Variants in AARD observed in about 807,000 individuals in gnomAD.
AARD encodes alanine- and arginine-rich domain-containing protein.
Under a neutral mutation model 9.3 loss-of-function variants are expected in AARD, and 9 were observed. The ratio of observed to expected loss-of-function variants is 0.97; its 90% CI spans 0.58 to 1.69. AARD has a LOEUF of 1.69. Ranked by LOEUF, AARD falls within the 40% of genes most tolerant of loss-of-function variation. AARD has a pLI of 0.00. For synonymous variants in AARD, 91 were observed against 93.8 expected (o/e 0.97, Z 0.17); for missense variants, 236 against 210.3 (o/e 1.12, Z -0.76).
In AARD at chr8:116,944,130, C is replaced by G. The variant is rs1813780251; in HGVS notation, c.*1429C>G. On this transcript the variant is annotated 3_prime_UTR_variant, in exon 2 of 2. Transcript: ENST00000378279. ...GGAGAACAGAAGAGACACAGTCTTT[C>G]TCTTGTTAAAAGAAATACAAGGACA... is the stretch of plus-strand genomic sequence containing the variant. 1 of 152,188 alleles carries G rather than the reference C, an allele frequency of 6.6e-6. No individual in the cohort carries two copies. The highest frequency in any genetic ancestry group is 1.5e-5 in the Non-Finnish European group (1 of 68,022). 9.4% of individuals were successfully genotyped at this position (152,188 alleles called of 1,614,324 possible).
At chr8:116,941,778 C>G (rs1029917426) in intron 1 of AARD, among the ~76,000 whole-genome samples, 1 of 152,116 alleles carries the variant, frequency 6.6e-6, no homozygotes, top group Non-Finnish European at 1.5e-5. Flanking sequence ...GCTGATGAAG[C>G]TTTTTTAGCA....
intron 1 of AARD, among the ~76,000 whole-genome samples, 169 bp from the exon 2 acceptor site, chr8:116,942,389 A>G (rs1364881161): frequency 6.6e-6 from 1 of 152,238 alleles, no homozygotes; most frequent in East Asian, 1.9e-4. Context: ...AGTCAGTTTT[A>G]TAGCCAGACC....
chr8:116,939,438 C>T (rs1813719797), intron 1 of AARD, among the ~76,000 whole-genome samples: 1 of 152,112 alleles, frequency 6.6e-6, no homozygotes, highest in South Asian at 2.1e-4. Context: ...TCGAGACCAG[C>T]CTGGCCAAAA....
chr8:116,942,358 A>C (rs1183846328), intron 1 of AARD, among the ~76,000 whole-genome samples, 200 bp from the exon 2 acceptor site: 1 of 152,144 alleles, frequency 6.6e-6, no homozygotes, highest in Non-Finnish European at 1.5e-5. Flanking sequence ...ATATATCTGG[A>C]TTTTACCTTG....
At chr8:116,942,182 T>TA (rs1813752337) in intron 1 of AARD, among the ~76,000 whole-genome samples, 1 of 151,744 alleles carries the variant, frequency 6.6e-6, no homozygotes, top group African/African-American at 2.4e-5. Context: ...CAGGTGGCTG[T>TA]AGGCAGTTAT....
chr8:116,938,336 T>G lies in AARD; in HGVS notation c.93T>G (p.Arg31=). Residue 31 remains arginine (R), a synonymous_variant, in exon 1 of 2, where the codon CGT becomes CGG. Coordinates refer to ENST00000378279, the MANE Select transcript of AARD (RefSeq NM_001025357.3). The stretch of plus-strand genomic sequence containing the variant: ...GAGCGGAGCTTTGGTTCCCACCTCG[T>G]CCCGCGTGCGACTTCTTCGGGGACG... ...PGRAELWFPP[R]PACDFFGDGR... is the part of the protein sequence containing the mutation. 1 of 1,612,958 alleles carries G rather than the reference T, an allele frequency of 6.2e-7. No homozygotes were observed. Among genetic ancestry groups the G allele is most frequent in the Middle Eastern group, 1.7e-4 (1 of 6,060 alleles).
At chr8:116,941,441 A>G (rs999094013) in intron 1 of AARD, among the ~76,000 whole-genome samples, 1 of 152,210 alleles carries the variant, frequency 6.6e-6, no homozygotes, top group Non-Finnish European at 1.5e-5. Context: ...CAGGAAAGGA[A>G]GCTCAAAGTA....
chr8:116,942,627 T>C lies in AARD; in HGVS notation c.394T>C (p.Leu132=). The change falls in exon 2 of 2, where the codon TTG becomes CTG. Residue 132 remains leucine, a synonymous_variant. Transcript: ENST00000378279. ...GGACCTAAACATGAAAGTGCAGCAA[T>C]TGAAAAAGGAGTATGAACTGGAAAT... The part of the protein sequence containing the change: ...LLDLNMKVQQ[L]KKEYELEITS... 1 of 1,613,850 alleles carries C rather than the reference T, an allele frequency of 6.2e-7. No homozygotes were observed. The highest frequency in any genetic ancestry group is 8.5e-7 in the Non-Finnish European group (1 of 1,179,950).
At chr8:116,941,798 A>G (rs1813748800) in intron 1 of AARD, among the ~76,000 whole-genome samples, 1 of 152,210 alleles carries the variant, frequency 6.6e-6, no homozygotes, top group African/African-American at 2.4e-5. Context: ...AGAGAGAACA[A>G]ATTCCTCGTG....
chr8:116,938,457 C>G lies in AARD; in HGVS notation c.214C>G (p.Gln72Glu). The G allele has an allele frequency of 6.3e-7, 1 of 1,599,982 alleles. No homozygotes were observed. The highest frequency in any genetic ancestry group is 2.3e-5 in the East Asian group (1 of 44,308). The stretch of plus-strand genomic sequence containing the variant: ...GACGCGCGCCTTCCAGTGGGCGGTG[C>G]AGCGCGCGATCTCGAGGCGCGTGCA... Reference protein sequence around the residue: ...RLTRAFQWAVQRAISRRVQEA... With the variant: ...RLTRAFQWAVERAISRRVQEA... Residue 72 changes from glutamine to glutamate, a missense_variant, in exon 1 of 2, where the codon CAG becomes GAG. Coordinates refer to ENST00000378279, the MANE Select transcript of AARD (RefSeq NM_001025357.3).
At chr8:116,939,319 T>A (rs1813718564) in intron 1 of AARD, among the ~76,000 whole-genome samples, 2 of 152,216 alleles carry the variant, frequency 1.3e-5, no homozygotes, top group African/African-American at 4.8e-5. Flanking sequence ...AAGAATGTTA[T>A]CGCATTTCTA....
In AARD at chr8:116,938,327, C is replaced by T. The variant is rs141863211; in HGVS notation, c.84C>T (p.Phe28=). The change falls in exon 1 of 2, where the codon TTC becomes TTT. Residue 28 remains phenylalanine (F), a synonymous_variant. Coordinates refer to ENST00000378279, the MANE Select transcript of AARD (RefSeq NM_001025357.3). The stretch of plus-strand genomic sequence containing the variant: ...TCCCAGGTAGAGCGGAGCTTTGGTT[C>T]CCACCTCGTCCCGCGTGCGACTTCT... ...QGLPGRAELW[F]PPRPACDFFG... 660 of 1,612,918 alleles carry T rather than the reference C, an allele frequency of 4.1e-4. 2 individuals are homozygous for T. The African/African-American group carries it at 7.4e-3, about 18-fold the overall frequency.
chr8:116,941,858 T>C (rs902032127), intron 1 of AARD, among the ~76,000 whole-genome samples: 3 of 152,202 alleles, frequency 2.0e-5, no homozygotes, highest in African/African-American at 7.2e-5. Flanking sequence ...TAGTTGATCA[T>C]TAGTTTTCAG....
chr8:116,938,441 C>T lies in AARD; in HGVS notation c.198C>T (p.Ala66=), dbSNP rs1813699544. The T allele has an allele frequency of 6.2e-7, 1 of 1,608,166 alleles. No homozygotes were observed. Among genetic ancestry groups the T allele is most frequent in the Non-Finnish European group, 8.5e-7 (1 of 1,178,002 alleles). Residue 66 remains alanine (A), a synonymous_variant, in exon 1 of 2, where the codon GCC becomes GCT. Coordinates refer to ENST00000378279, the MANE Select transcript of AARD (RefSeq NM_001025357.3). ...LEDLRRRLTR[A]FQWAVQRAIS... ...ACCTCAGACGACGGCTGACGCGCGC[C>T]TTCCAGTGGGCGGTGCAGCGCGCGA...
In AARD at chr8:116,938,375, C is replaced by T. The variant is rs1813697400; in HGVS notation, c.132C>T (p.Asp44=). 2 of 1,612,740 alleles carry T rather than the reference C, an allele frequency of 1.2e-6. No individual in the cohort carries two copies. Among genetic ancestry groups the T allele is most frequent in the Non-Finnish European group, 1.7e-6 (2 of 1,179,908 alleles). ...TCTTCGGGGACGGCAGGAGCACGGA[C>T]ATCCAGGAGGAGGCCCTCGCCGCCA... is the stretch of plus-strand genomic sequence containing the variant. ...CDFFGDGRST[D]IQEEALAASP... Residue 44 remains aspartate (D), a synonymous_variant, in exon 1 of 2, where the codon GAC becomes GAT. Coordinates refer to ENST00000378279, the MANE Select transcript of AARD (RefSeq NM_001025357.3).
At position 116,938,239 on chromosome 8, in the gene AARD, C is replaced by T. The variant is rs374256336; in HGVS notation, c.-5C>T. The T allele has an allele frequency of 4.5e-6, 7 of 1,570,580 alleles. No individual in the cohort carries two copies. In the African/African-American group the frequency reaches 9.7e-5, roughly 22 times the overall value. On this transcript the variant is annotated 5_prime_UTR_variant, in exon 1 of 2. Transcript: ENST00000378279. Reference sequence around the variant, plus strand: ...GCGGTAGAGCAGTGACCAGGCGTCTCCGCGATGGGCCCCGGGGACTTCCGC... The same window carrying T: ...GCGGTAGAGCAGTGACCAGGCGTCTTCGCGATGGGCCCCGGGGACTTCCGC...
Position 116,944,136 on chromosome 8 carries a change from T to C in AARD, c.*1435T>C, listed in dbSNP as rs1232911527. On this transcript the variant is annotated 3_prime_UTR_variant, in exon 2 of 2. Transcript: ENST00000378279. Reference sequence around the variant, plus strand: ...CAGAAGAGACACAGTCTTTCTCTTGTTAAAAGAAATACAAGGACAAGCATG... The same window carrying C: ...CAGAAGAGACACAGTCTTTCTCTTGCTAAAAGAAATACAAGGACAAGCATG... 1 of 152,162 alleles carries C rather than the reference T, an allele frequency of 6.6e-6. No homozygotes were observed. The highest frequency in any genetic ancestry group is 2.4e-5 in the African/African-American group (1 of 41,432). The allele number at this position is 152,162 out of a possible 1,614,324, so 9.4% of individuals were successfully genotyped here. A position where few individuals can be genotyped will look rare whatever the true frequency, so the allele number is the denominator to read the frequency against.
In AARD at chr8:116,942,720, G is replaced by C. The variant is rs756999480; in HGVS notation, c.*19G>C. The C allele has an allele frequency of 6.2e-7, 1 of 1,609,158 alleles. No homozygotes were observed. The stretch of plus-strand genomic sequence containing the variant: ...GGAATAAAGAAATGCACACGCAAGG[G>C]CTGGGCGCGGTGGCTCACGCCTGTA... On this transcript the variant is annotated 3_prime_UTR_variant, in exon 2 of 2. Transcript: ENST00000378279.
At chr8:116,938,812 C>T (rs1252296893) in intron 1 of AARD, 3 of 505,064 alleles carry the variant, frequency 5.9e-6, no homozygotes, top group Non-Finnish European at 9.9e-6. Flanking sequence ...TGTCTCCTCC[C>T]CAACCCGTTT....
Sources: gnomAD v4.1 joint callset for allele counts (sites outside exome capture counted in the v4.1 genomes callset) on GRCh38, gnomAD v4.1.1 for gene constraint, MANE v1.5 for transcripts, NCBI Gene and HGNC (gene_info 2026-07-23, HGNC 2026-07-21) for gene names.